The following USP34 variants were observed in gnomAD, a reference collection of about 807,000 sequenced individuals.
USP34 encodes the protein ubiquitin specific peptidase 34, also known as ubiquitin carboxyl-terminal hydrolase 34.
In USP34, 70 loss-of-function variants were observed where a neutral mutation model predicts 460.3. The observed-to-expected ratio is 0.15, with a 90% CI of 0.13 to 0.19. USP34 has a LOEUF of 0.19. Among genes scored for constraint, USP34 ranks in the 10% least tolerant of loss-of-function variants. USP34 has a pLI of 1.00. For missense variants in USP34, 3,985 were observed against 4,236.2 expected (o/e 0.94, Z 1.65); for synonymous variants, 1,647 against 1,405.3 (o/e 1.17, Z -3.85).
At chr2:61,245,354 A>G in intron 50 of USP34, 66 bp from the exon 51 acceptor site, 13 of 922,554 alleles carry the variant, frequency 1.4e-5, no homozygotes, top group African/African-American at 3.4e-5. Flanking sequence ...TATGTCTACT[A>G]TTTTTTGAAT....
chr2:61,469,944 A>AAG (rs1202391887), intron 1 of USP34, among the ~76,000 whole-genome samples: 1 of 152,222 alleles, frequency 6.6e-6, no homozygotes, highest in Admixed American at 6.5e-5. Flanking sequence ...CTTTCCTTCC[A>AAG]AGAGAGATAG....
At chr2:61,368,328 A>T (rs762488739) in intron 10 of USP34, among the ~76,000 whole-genome samples, 52 of 152,130 alleles carry the variant, frequency 3.4e-4, no homozygotes, top group Non-Finnish European at 6.3e-4. Flanking sequence ...GCTAGTGAGG[A>T]GGCTGAGGCA....
At chr2:61,342,477 T>TA (rs1322161287) in intron 16 of USP34, among the ~76,000 whole-genome samples, 3 of 151,606 alleles carry the variant, frequency 2.0e-5, no homozygotes, top group South Asian at 4.2e-4. Flanking sequence ...ATTTATTTTT[T>TA]TTTTTTGTAT....
chr2:61,201,638 C>T (rs1367894849), intron 75 of USP34, among the ~76,000 whole-genome samples: 2 of 152,122 alleles, frequency 1.3e-5, no homozygotes, highest in Non-Finnish European at 2.9e-5. Context: ...GCTGATGTGA[C>T]GGCAAGTATT....
At chr2:61,380,611 A>T (rs1273915179) in intron 6 of USP34, among the ~76,000 whole-genome samples, 1 of 152,080 alleles carries the variant, frequency 6.6e-6, no homozygotes, top group Admixed American at 6.5e-5. Flanking sequence ...TCCCATCATT[A>T]TATGTACAAG....
intron 1 of USP34, among the ~76,000 whole-genome samples, chr2:61,438,625 A>C (rs1397047868): frequency 1.4e-4 from 1 of 7,206 alleles, no homozygotes; most frequent in Non-Finnish European, 2.7e-4. Context: ...AACAAAAACA[A>C]AAAAAAAACA....
intron 16 of USP34, among the ~76,000 whole-genome samples, chr2:61,341,567 C>T (rs1391907199): frequency 6.6e-6 from 1 of 151,812 alleles, no homozygotes; most frequent in Non-Finnish European, 1.5e-5. Flanking sequence ...GAGAGTGACA[C>T]CCCTCCAACC....
intron 10 of USP34, among the ~76,000 whole-genome samples, chr2:61,359,958 T>A (rs1137242): frequency 6.6e-6 from 1 of 151,946 alleles, no homozygotes; most frequent in Non-Finnish European, 1.5e-5. Context: ...CTAATTTTTC[T>A]ATTTTTAGTA....
At chr2:61,415,596 G>C (rs1694171017) in intron 2 of USP34, among the ~76,000 whole-genome samples, 1 of 152,170 alleles carries the variant, frequency 6.6e-6, no homozygotes, top group Non-Finnish European at 1.5e-5. Context: ...TCAGAATACT[G>C]TATAGAGGTT....
intron 48 of USP34, among the ~76,000 whole-genome samples, chr2:61,254,932 A>G (rs1572875403): frequency 6.6e-6 from 1 of 152,050 alleles, no homozygotes; most frequent in Admixed American, 6.6e-5. Context: ...ACTGTAAGCT[A>G]CCTCCCAGCC....
chr2:61,439,941 G>C (rs184681067), intron 1 of USP34, among the ~76,000 whole-genome samples: 177 of 152,280 alleles, frequency 1.2e-3, no homozygotes, highest in African/African-American at 3.3e-3. Flanking sequence ...GGTACAGGGA[G>C]CGGAGGATGT....
chr2:61,284,574 G>C (rs1298975144), intron 35 of USP34, among the ~76,000 whole-genome samples: 1 of 152,102 alleles, frequency 6.6e-6, no homozygotes, highest in Non-Finnish European at 1.5e-5. Flanking sequence ...TAGCTATTAA[G>C]AAAATCTCCT....
In USP34 at chr2:61,283,448, C is replaced by G. The variant is rs1192659999; in HGVS notation, c.4834G>C (p.Val1612Leu). 3 of 1,605,170 alleles carry G rather than the reference C, an allele frequency of 1.9e-6. No individual in the cohort carries two copies. Among genetic ancestry groups the G allele is most frequent in the Non-Finnish European group, 2.5e-6 (3 of 1,176,990 alleles). ...AYTYDNLAPR[V>L]LKAQSDHRSR... ...CTGTGATCAGACTGAGCTTTTAAAA[C>G]TCTGTAAAGTAAAAACACCACCACC... Residue 1612 changes from valine (V) to leucine (L), a missense_variant and splice_region_variant, in exon 36 of 80, where the codon GTT becomes CTT. Coordinates refer to ENST00000398571, the MANE Select transcript of USP34 (RefSeq NM_014709.4).
At chr2:61,281,287 C>T in intron 37 of USP34, 45 bp from the exon 38 acceptor site, 1 of 1,582,648 alleles carries the variant, frequency 6.3e-7, no homozygotes, top group Non-Finnish European at 8.6e-7. Context: ...GTTAGTATTA[C>T]AAAGTTAATA....
At position 61,317,755 on chromosome 2, in the gene USP34, T is replaced by G; in HGVS notation, c.3181A>C (p.Lys1061Gln). ...HLFLEKMPQL[K>Q]PETISMTGLN... ...CCAGTCATGCTAATTGTTTCAGGTT[T>G]TAGCTGGGGCATCTTTGGAAGGGTA... is the stretch of plus-strand genomic sequence containing the variant. Residue 1061 changes from lysine to glutamine, a missense_variant, in exon 23 of 80, where the codon AAA becomes CAA. By Grantham distance (53) the Lys-to-Gln change is moderately conservative. This residue lies in a region of USP34 where 1,114 missense variants were observed against 1,122.5 expected (regional missense o/e 0.99). Coordinates refer to ENST00000398571, the MANE Select transcript of USP34 (RefSeq NM_014709.4). The G allele has an allele frequency of 6.2e-7, 1 of 1,613,830 alleles. No homozygotes were observed. Among genetic ancestry groups the G allele is most frequent in the East Asian group, 2.2e-5 (1 of 44,880 alleles).
intron 29 of USP34, among the ~76,000 whole-genome samples, chr2:61,300,535 T>C (rs550168926): frequency 4.7e-5 from 7 of 148,158 alleles, no homozygotes; most frequent in Non-Finnish European, 4.5e-5. Context: ...CGGTGGCTCA[T>C]GCCTGTAATC....
chr2:61,397,989 C>T (rs768875885), intron 3 of USP34, among the ~76,000 whole-genome samples: 1 of 152,064 alleles, frequency 6.6e-6, no homozygotes, highest in Non-Finnish European at 1.5e-5. Flanking sequence ...ATCACTTGAA[C>T]CCGCTTGGGG....
At chr2:61,381,226 TAAAAAATAAAC>T (rs1344222462) in intron 6 of USP34, among the ~76,000 whole-genome samples, 5 of 137,190 alleles carry the variant, frequency 3.6e-5, no homozygotes, top group Admixed American at 2.2e-4. Flanking sequence ...AATAAATAAA[TAAAAAATAAAC>T]AAAAAATGTA....
Position 61,283,205 on chromosome 2 carries a change from G to A in USP34, c.4938C>T (p.Ser1646=). The part of the protein sequence containing the change: ...WAHCCSLVKS[S]LADSDHLQDW... The stretch of plus-strand genomic sequence containing the variant: ...CTTGTAAATGATCGCTATCAGCAAG[G>A]CTAGATTTCACTAAAGAACAGCAAT... The change falls in exon 37 of 80, where the codon AGC becomes AGT. Residue 1646 remains serine (S), a synonymous_variant. Transcript: ENST00000398571. 6.2e-7 allele frequency: 1 copy of A among 1,613,488 alleles called. No individual in the cohort carries two copies. Among genetic ancestry groups the A allele is most frequent in the Admixed American group, 1.7e-5 (1 of 59,992 alleles).
Sources: gnomAD v4.1 joint callset for allele counts (sites outside exome capture counted in the v4.1 genomes callset) on GRCh38, gnomAD v4.1.1 for gene constraint, gnomAD v4.1.1 regional missense constraint, MANE v1.5 for transcripts, NCBI Gene and HGNC (gene_info 2026-07-23, HGNC 2026-07-21) for gene names.